Variants in DPP10 observed in about 807,000 individuals in gnomAD.
DPP10 encodes dipeptidyl peptidase like 10.
Under a neutral mutation model 120.9 loss-of-function variants are expected in DPP10, and 33 were observed. That is an observed-to-expected ratio of 0.27 (90% CI 0.21 to 0.37). The LOEUF (loss-of-function observed/expected upper bound fraction) is 0.37, where lower values mean the gene tolerates loss of function less well. Ranked by LOEUF, DPP10 falls within the 10% of genes least tolerant of loss-of-function variation. DPP10 has a pLI of 1.00. For missense variants in DPP10, 816 were observed against 942.8 expected, an observed-to-expected ratio of 0.87 and a Z score of 1.76; for synonymous variants, 337 against 326.1, an observed-to-expected ratio of 1.03 and a Z score of -0.36.
chr2:114,973,301 C>T (rs1451246736), intron 1 of DPP10, among the ~76,000 whole-genome samples: 2 of 151,528 alleles, frequency 1.3e-5, no homozygotes, highest in Non-Finnish European at 2.9e-5. Context: ...TAATGTTACT[C>T]GTTTATATAT....
At chr2:115,671,710 CT>C (rs2089881058) in intron 5 of DPP10, among the ~76,000 whole-genome samples, 1 of 151,986 alleles carries the variant, frequency 6.6e-6, no homozygotes, top group African/African-American at 2.4e-5. Flanking sequence ...TTAGAAAGCC[CT>C]TTAGATTTTA....
chr2:115,076,306 C>CTTTTTTTTTTTT (rs1464879637), intron 1 of DPP10, among the ~76,000 whole-genome samples: 5 of 149,552 alleles, frequency 3.3e-5, no homozygotes, highest in African/African-American at 1.2e-4. Context: ...CTTTTTCTAC[C>CTTTTTTTTTTTT]TTTCTCCCAT....
At chr2:115,568,883 G>C (rs2081179898) in intron 5 of DPP10, among the ~76,000 whole-genome samples, 2 of 152,178 alleles carry the variant, frequency 1.3e-5, no homozygotes, top group Non-Finnish European at 1.5e-5. Context: ...GGGCCAATTA[G>C]TGAGAAGTCT....
At chr2:114,941,863 T>C (rs1333080658) in intron 1 of DPP10, among the ~76,000 whole-genome samples, 1 of 152,124 alleles carries the variant, frequency 6.6e-6, no homozygotes, top group Non-Finnish European at 1.5e-5. Flanking sequence ...GAGGACGTGG[T>C]AAAATTTCAG....
intron 1 of DPP10, among the ~76,000 whole-genome samples, chr2:115,156,778 C>G (rs963113632): frequency 3.9e-5 from 6 of 152,172 alleles, no homozygotes; most frequent in African/African-American, 1.4e-4. Flanking sequence ...CAGACATTAT[C>G]TCAAAAGGAC....
intron 3 of DPP10, among the ~76,000 whole-genome samples, chr2:115,498,805 G>T (rs992126295): frequency 1.3e-5 from 2 of 151,400 alleles, no homozygotes; most frequent in Non-Finnish European, 2.9e-5. Context: ...TTGTTAAGAT[G>T]TTTTAATTTT....
intron 1 of DPP10, among the ~76,000 whole-genome samples, chr2:115,304,918 C>T (rs1378797115): frequency 1.3e-5 from 2 of 151,918 alleles, no homozygotes; most frequent in African/African-American, 2.4e-5. Context: ...AAACTGTTCC[C>T]TGAAGGATGA....
intron 1 of DPP10, among the ~76,000 whole-genome samples, chr2:114,457,835 A>G (rs566416275): frequency 6.6e-6 from 1 of 152,138 alleles, no homozygotes. Flanking sequence ...TCTTGGCCAA[A>G]GTAGCACAGC....
chr2:115,502,408 C>T (rs865925162), intron 4 of DPP10, among the ~76,000 whole-genome samples: 116 of 152,218 alleles, frequency 7.6e-4, no homozygotes, highest in Middle Eastern at 6.8e-3. Flanking sequence ...GGTTTAGCCT[C>T]AAAAATGCTC....
In DPP10 at chr2:114,587,216, G is replaced by A. The variant is rs539653004; in HGVS notation, c.60+144378G>A. Among the ~76,000 whole-genome samples the A allele has an allele frequency of 2.7e-5, 4 of 150,516 alleles. No homozygotes were observed. The East Asian group carries it at 5.9e-4, about 22-fold the overall frequency. On this transcript the variant is annotated intron_variant, in intron 1 of 25. Coordinates refer to ENST00000410059, the MANE Select transcript of DPP10 (RefSeq NM_020868.6). ...CTTGGGAGGCTGAGGCAGGAAAATC[G>A]CTTGAACCCAGGAGGCGGAGGTTGC...
chr2:115,166,922 G>A (rs1427012501), intron 1 of DPP10, among the ~76,000 whole-genome samples: 1 of 152,090 alleles, frequency 6.6e-6, no homozygotes, highest in Non-Finnish European at 1.5e-5. Flanking sequence ...TACTTACAGT[G>A]TGACATGTAG....
intron 2 of DPP10, among the ~76,000 whole-genome samples, chr2:115,313,175 A>T (rs781162907): frequency 6.6e-6 from 1 of 152,268 alleles, no homozygotes; most frequent in South Asian, 2.1e-4. Context: ...GTGAGCCCAG[A>T]TCGCACCACT....
At chr2:114,741,879 A>T (rs1410482261) in intron 1 of DPP10, among the ~76,000 whole-genome samples, 1 of 152,174 alleles carries the variant, frequency 6.6e-6, no homozygotes, top group Non-Finnish European at 1.5e-5. Context: ...GGCTATGTAG[A>T]TAACTTGATT....
chr2:115,184,427 T>C (rs1478222927), intron 1 of DPP10, among the ~76,000 whole-genome samples: 2 of 152,184 alleles, frequency 1.3e-5, no homozygotes, highest in African/African-American at 4.8e-5. Context: ...AGAAGACACG[T>C]GTGAAATCTT....
intron 1 of DPP10, among the ~76,000 whole-genome samples, chr2:114,954,362 C>T (rs1698046181): frequency 6.6e-6 from 1 of 152,024 alleles, no homozygotes; most frequent in African/African-American, 2.4e-5. Flanking sequence ...GGATTACAGG[C>T]ATGAGCCACA....
intron 3 of DPP10, among the ~76,000 whole-genome samples, chr2:115,355,327 T>C (rs896004342): frequency 2.0e-5 from 3 of 150,896 alleles, no homozygotes; most frequent in Non-Finnish European, 4.4e-5. Context: ...TTGACCTTTT[T>C]TTCATATGTT....
intron 5 of DPP10, among the ~76,000 whole-genome samples, chr2:115,597,553 A>T (rs984375550): frequency 6.7e-6 from 1 of 149,970 alleles, no homozygotes; most frequent in Non-Finnish European, 1.5e-5. Context: ...ACACATTTAT[A>T]TACATTATAT....
At position 115,716,569 on chromosome 2, in the gene DPP10, A is replaced by G. The variant is rs1027409415; in HGVS notation, c.577-11247A>G. Reference sequence around the variant, plus strand: ...AGTCATCATGGGTTCAATTACATTTAAGTTCATAAGAATACTAACAGGAGT... The same window carrying G: ...AGTCATCATGGGTTCAATTACATTTGAGTTCATAAGAATACTAACAGGAGT... On this transcript the variant is annotated intron_variant, in intron 7 of 25. Coordinates refer to ENST00000410059, the MANE Select transcript of DPP10 (RefSeq NM_020868.6). 3.3e-5 allele frequency among the ~76,000 whole-genome samples: 5 copies of G among 152,194 alleles called. No homozygotes were observed. In the East Asian group the frequency reaches 5.8e-4, roughly 18 times the overall value.
Position 115,102,752 on chromosome 2 carries a change from A to C in DPP10, c.61-206487A>C, listed in dbSNP as rs199532401. The stretch of plus-strand genomic sequence containing the variant: ...AGATTTCCTTCATTGACTGAAAAAA[A>C]AAAGAGTCATAAAGAAAAAAAAAAC... On this transcript the variant is annotated intron_variant, in intron 1 of 25. Coordinates refer to ENST00000410059, the MANE Select transcript of DPP10 (RefSeq NM_020868.6). 3.5e-5 allele frequency among the ~76,000 whole-genome samples: 5 copies of C among 143,912 alleles called. No individual in the cohort carries two copies. The East Asian group carries it at 8.5e-4, about 24-fold the overall frequency. 94.4% of individuals were successfully genotyped at this position (143,912 alleles called of 152,430 possible).
Sources: allele counts gnomAD v4.1 joint callset (sites outside exome capture counted in the v4.1 genomes callset), GRCh38; gene constraint gnomAD v4.1.1; transcripts MANE v1.5; gene names NCBI Gene and HGNC (gene_info 2026-07-23, HGNC 2026-07-21).